The following ZNF407 variants were observed in gnomAD, a reference collection of about 807,000 sequenced individuals.
ZNF407 encodes zinc finger protein 407.
ZNF407 carries 17 observed loss-of-function variants against 131.2 expected under a neutral mutation model. That is an observed-to-expected ratio of 0.13 (90% CI 0.09 to 0.19). The LOEUF (loss-of-function observed/expected upper bound fraction) is 0.19. Ranked by LOEUF, ZNF407 falls within the 10% of genes least tolerant of loss-of-function variation. ZNF407 has a pLI of 1.00. For missense variants in ZNF407, 2,681 were observed against 2,830.6 expected, an observed-to-expected ratio of 0.95 and a Z score of 1.20; for synonymous variants, 1,156 against 1,062.0, an observed-to-expected ratio of 1.09 and a Z score of -1.72.
intron 8 of ZNF407, among the ~76,000 whole-genome samples, chr18:75,021,736 A>T (rs1331690836): frequency 6.6e-6 from 1 of 152,072 alleles, no homozygotes; most frequent in South Asian, 2.1e-4. Context: ...AAAGAGTTAA[A>T]TTTTTTTAAT....
chr18:75,035,150 C>T (rs1374279077), intron 8 of ZNF407, among the ~76,000 whole-genome samples: 2 of 152,118 alleles, frequency 1.3e-5, no homozygotes, highest in African/African-American at 4.8e-5. Context: ...GTGAGCACAC[C>T]GTTTTGGCTG....
intron 4 of ZNF407, among the ~76,000 whole-genome samples, chr18:74,828,356 T>C (rs1266903194): frequency 6.6e-6 from 1 of 152,190 alleles, no homozygotes; most frequent in Non-Finnish European, 1.5e-5. Flanking sequence ...ACTGCCGGGC[T>C]TTTTCTCATG....
At position 74,790,203 on chromosome 18, in the gene ZNF407, A is replaced by C. The variant is rs139444492; in HGVS notation, c.4877+8701A>C. Among the ~76,000 whole-genome samples the C allele has an allele frequency of 2.2e-4, 33 of 152,338 alleles. No homozygotes were observed. The East Asian group carries it at 3.7e-3, about 17-fold the overall frequency. ...TAACTATGTTATTCAGTACCAGTTC[A>C]ATGAGTTATTAGACCAGAGATATAT... On this transcript the variant is annotated intron_variant, in intron 4 of 8. Transcript: ENST00000299687.
At chr18:74,765,881 A>G (rs1421411568) in intron 3 of ZNF407, among the ~76,000 whole-genome samples, 1 of 151,864 alleles carries the variant, frequency 6.6e-6, no homozygotes, top group Non-Finnish European at 1.5e-5. Flanking sequence ...GTTATTTCAT[A>G]CATTTTTTGG....
chr18:75,063,072 G>A lies in ZNF407; in HGVS notation c.5429-78G>A, dbSNP rs759655255. ...GTGGTGACTCTGCTGAGGCCTGAGCGCTTCTGCAGAAGAAGTGTCTTACTT... is the reference window on the plus strand; with the variant it reads ...GTGGTGACTCTGCTGAGGCCTGAGCACTTCTGCAGAAGAAGTGTCTTACTT... On this transcript the variant is annotated intron_variant, in intron 8 of 8. Transcript: ENST00000299687. This position sits in a 1 kb window ranked among gnomAD's most constrained non-coding sequence, Gnocchi z 6.6. The A allele has an allele frequency of 1.3e-5, 17 of 1,338,256 alleles. No individual in the cohort carries two copies. Among genetic ancestry groups the A allele is most frequent in the African/African-American group, 2.9e-5 (2 of 68,144 alleles). The allele number at this position is 1,338,256 out of a possible 1,614,324, so 82.9% of individuals were successfully genotyped here. A position where few individuals can be genotyped will look rare whatever the true frequency, so the allele number is the denominator to read the frequency against.
rs1247735653 is a variant in ZNF407 at position 74,921,086 on chromosome 18, A to G, written c.5428+394A>G. ...TTATGCCCTGTTTATTGACACCATCATCTTCTAGTGAATGCCTAGAAAGAA... is the reference window on the plus strand; with the variant it reads ...TTATGCCCTGTTTATTGACACCATCGTCTTCTAGTGAATGCCTAGAAAGAA... On this transcript the variant is annotated intron_variant, in intron 8 of 8. Coordinates refer to ENST00000299687, the MANE Select transcript of ZNF407 (RefSeq NM_017757.3). 4 of 873,478 alleles carry G rather than the reference A, an allele frequency of 4.6e-6. No individual in the cohort carries two copies. The African/African-American group carries it at 5.5e-5, about 12-fold the overall frequency. 54.1% of individuals were successfully genotyped at this position (873,478 alleles called of 1,614,324 possible).
chr18:74,634,452 GCTGACT>G lies in ZNF407; in HGVS notation c.3437_3442del (p.Asp1146_Ser1147del). 6.2e-7 allele frequency: 1 copy of G among 1,613,682 alleles called. No homozygotes were observed. Among genetic ancestry groups the G allele is most frequent in the Non-Finnish European group, 8.5e-7 (1 of 1,179,888 alleles). ...AGATATGTCTAAAGTGCTCTGCGCT[GCTGACT>G]CTGTAGAAGTTGAGACTGAAGAAGA... On this transcript the variant is annotated inframe_deletion, in exon 2 of 9. Transcript: ENST00000299687.
chr18:74,838,981 T>C (rs1970595179), intron 4 of ZNF407, among the ~76,000 whole-genome samples: 1 of 152,140 alleles, frequency 6.6e-6, no homozygotes, highest in Admixed American at 6.6e-5. Context: ...TCACTATTAT[T>C]GAGTAGACTG....
At chr18:74,826,403 A>G (rs763274646) in intron 4 of ZNF407, among the ~76,000 whole-genome samples, 1 of 152,112 alleles carries the variant, frequency 6.6e-6, no homozygotes, top group Non-Finnish European at 1.5e-5. Flanking sequence ...ACTCTTCTCA[A>G]GGTTGATCTC....
chr18:74,871,034 T>C (rs1971079570), intron 4 of ZNF407, among the ~76,000 whole-genome samples: 2 of 152,218 alleles, frequency 1.3e-5, no homozygotes, highest in South Asian at 4.1e-4. Context: ...TTATGATGCT[T>C]ATAGATACTG....
At chr18:74,912,008 A>G (rs944869512) in intron 7 of ZNF407, among the ~76,000 whole-genome samples, 27 of 152,088 alleles carry the variant, frequency 1.8e-4, no homozygotes, top group African/African-American at 4.8e-4. Flanking sequence ...GTATTTCAAG[A>G]CAGCCACTAA....
intron 8 of ZNF407, among the ~76,000 whole-genome samples, chr18:75,024,974 A>T (rs1413434727): frequency 6.6e-6 from 1 of 152,230 alleles, no homozygotes; most frequent in Non-Finnish European, 1.5e-5. Context: ...GTGTGTTTGC[A>T]TGAATAATGA....
At chr18:74,645,053 A>G (rs1262532818) in intron 3 of ZNF407, among the ~76,000 whole-genome samples, 1 of 151,748 alleles carries the variant, frequency 6.6e-6, no homozygotes, top group African/African-American at 2.4e-5. Context: ...TACTTTCCCT[A>G]TTTTATATTT....
At chr18:74,674,949 T>C (rs889900341) in intron 3 of ZNF407, among the ~76,000 whole-genome samples, 3 of 152,228 alleles carry the variant, frequency 2.0e-5, no homozygotes, top group Non-Finnish European at 4.4e-5. Flanking sequence ...TGAGTTTTTT[T>C]CTTTGGGCAC....
intron 3 of ZNF407, among the ~76,000 whole-genome samples, chr18:74,757,974 G>A (rs1332617877): frequency 1.3e-5 from 2 of 152,050 alleles, no homozygotes. Flanking sequence ...GTTACTGATT[G>A]CATGGTGTAT....
At chr18:74,929,433 C>T (rs1412842956) in intron 8 of ZNF407, among the ~76,000 whole-genome samples, 1 of 152,036 alleles carries the variant, frequency 6.6e-6, no homozygotes, top group Non-Finnish European at 1.5e-5. Flanking sequence ...ATCTTATCCC[C>T]TCTGACAGCT....
intron 3 of ZNF407, among the ~76,000 whole-genome samples, chr18:74,766,689 A>C (rs770151719): frequency 1.3e-5 from 2 of 152,238 alleles, no homozygotes; most frequent in African/African-American, 2.4e-5. Context: ...GTACATGTTC[A>C]GTACACAATC....
At chr18:74,755,964 G>A (rs1363993481) in intron 3 of ZNF407, among the ~76,000 whole-genome samples, 1 of 119,496 alleles carries the variant, frequency 8.4e-6, no homozygotes, top group Non-Finnish European at 1.6e-5. Flanking sequence ...CCCTATCTCA[G>A]CTCATGGCAA....
chr18:74,618,331 C>T (rs1983398124), intron 1 of ZNF407, among the ~76,000 whole-genome samples: 1 of 152,186 alleles, frequency 6.6e-6, no homozygotes, highest in African/African-American at 2.4e-5. Context: ...GTTCTCCATG[C>T]CGGGTGTGCT....
Sources: allele counts gnomAD v4.1 joint callset (sites outside exome capture counted in the v4.1 genomes callset), GRCh38; gene constraint gnomAD v4.1.1; non-coding constraint Gnocchi (gnomAD v3.1); transcripts MANE v1.5; gene names NCBI Gene and HGNC (gene_info 2026-07-23, HGNC 2026-07-21).